The following RGS5 variants were observed in gnomAD, a reference collection of about 807,000 sequenced individuals.
RGS5 encodes regulator of G-protein signalling 5.
Under a neutral mutation model 18.9 loss-of-function variants are expected in RGS5, and 20 were observed. The ratio of observed to expected loss-of-function variants is 1.06; its 90% CI spans 0.74 to 1.54. The LOEUF (loss-of-function observed/expected upper bound fraction) is 1.54. RGS5 is among the 40% of genes most tolerant of loss of function. The probability of loss-of-function intolerance (pLI) is 0.00; values close to 1 mark genes in which losing one functional copy is unlikely to be tolerated. For synonymous variants in RGS5, 57 were observed against 76.2 expected (o/e 0.75, Z 1.31); for missense variants, 201 against 211.8 (o/e 0.95, Z 0.32).
At chr1:163,213,708 C>T (rs1057164491) in intron 1 of RGS5, among the ~76,000 whole-genome samples, 1 of 152,138 alleles carries the variant, frequency 6.6e-6, no homozygotes, top group Non-Finnish European at 1.5e-5. Context: ...GGTTTTTCCT[C>T]CTACGCTCCA....
chr1:163,276,552 A>G (rs1372401595), intron 2 of RGS5, among the ~76,000 whole-genome samples: 1 of 152,216 alleles, frequency 6.6e-6, no homozygotes, highest in African/African-American at 2.4e-5. Flanking sequence ...AGATAAGTCA[A>G]TTTTGTAGAT....
chr1:163,215,649 A>G (rs1271504784), intron 1 of RGS5, among the ~76,000 whole-genome samples: 3 of 152,218 alleles, frequency 2.0e-5, no homozygotes, highest in Non-Finnish European at 4.4e-5. Flanking sequence ...CTACACCAGA[A>G]TGAAAGCAAA....
intron 1 of RGS5, among the ~76,000 whole-genome samples, chr1:163,178,347 A>G (rs1264531085): frequency 6.6e-6 from 1 of 152,090 alleles, no homozygotes; most frequent in East Asian, 1.9e-4. Context: ...TTTAAAAATA[A>G]ATAAATAAAA....
intron 1 of RGS5, among the ~76,000 whole-genome samples, chr1:163,186,561 A>T (rs559711068): frequency 7.3e-6 from 1 of 136,428 alleles, no homozygotes; most frequent in East Asian, 2.3e-4. Flanking sequence ...CCTGGGCGAC[A>T]GAGCGAGACT....
chr1:163,150,872 G>T (rs1008879059), intron 4 of RGS5, among the ~76,000 whole-genome samples: 1 of 152,152 alleles, frequency 6.6e-6, no homozygotes, highest in African/African-American at 2.4e-5. Flanking sequence ...AACTCCAGGA[G>T]TCTAGAGCAT....
chr1:163,287,207 C>G (rs1327960203), intron 2 of RGS5, among the ~76,000 whole-genome samples: 1 of 152,158 alleles, frequency 6.6e-6, no homozygotes, highest in African/African-American at 2.4e-5. Flanking sequence ...TGTTTCCCTT[C>G]TTACCTTTAC....
chr1:163,272,103 G>T (rs1238633778), intron 2 of RGS5, among the ~76,000 whole-genome samples: 1 of 151,288 alleles, frequency 6.6e-6, no homozygotes, highest in African/African-American at 2.4e-5. Context: ...TGAGGTGTCT[G>T]TGTTTATTAT....
At chr1:163,202,939 A>G (rs1206775156), upstream of RGS5, 15 of 1,062,786 alleles carry the variant, frequency 1.4e-5, no homozygotes, top group Non-Finnish European at 2.0e-5. Context: ...CTCCTGAGGT[A>G]TATATAGAAG....
intron 1 of RGS5, among the ~76,000 whole-genome samples, chr1:163,213,945 A>G (rs1035456132): frequency 6.6e-6 from 1 of 152,158 alleles, no homozygotes; most frequent in Non-Finnish European, 1.5e-5. Flanking sequence ...TTCTGACACC[A>G]TCTCCTATTC....
At chr1:163,231,296 A>G (rs957937810) in intron 2 of RGS5, among the ~76,000 whole-genome samples, 3 of 152,228 alleles carry the variant, frequency 2.0e-5, no homozygotes, top group Non-Finnish European at 4.4e-5. Context: ...CACAAAACCC[A>G]TGAAATAACC....
At chr1:163,191,581 C>G (rs1176161838) in intron 1 of RGS5, among the ~76,000 whole-genome samples, 1 of 152,184 alleles carries the variant, frequency 6.6e-6, no homozygotes, top group Non-Finnish European at 1.5e-5. Flanking sequence ...ATGCCATAGT[C>G]TAACCCATGG....
At chr1:163,284,305 T>C (rs1442869060) in intron 2 of RGS5, among the ~76,000 whole-genome samples, 1 of 152,192 alleles carries the variant, frequency 6.6e-6, no homozygotes, top group African/African-American at 2.4e-5. Context: ...GCCTCATTCA[T>C]AAAGTCCCTA....
intron 2 of RGS5, among the ~76,000 whole-genome samples, chr1:163,236,087 A>C (rs1647614147): frequency 6.6e-6 from 1 of 152,212 alleles, no homozygotes; most frequent in Admixed American, 6.5e-5. Context: ...AAAAAGTTTC[A>C]TCTTCCAATC....
At chr1:163,317,136 A>C (rs1034814931) in intron 1 of RGS5, among the ~76,000 whole-genome samples, 1 of 152,164 alleles carries the variant, frequency 6.6e-6, no homozygotes, top group Non-Finnish European at 1.5e-5. Context: ...TTTCACAGGC[A>C]TGTTGAGCTA....
intron 4 of RGS5, among the ~76,000 whole-genome samples, chr1:163,149,426 T>G (rs913490028): frequency 2.0e-5 from 3 of 152,204 alleles, no homozygotes; most frequent in Admixed American, 2.0e-4. Flanking sequence ...ATTATAAAAG[T>G]AGCTCCTAAT....
At chr1:163,180,781 G>A (rs1161256098) in intron 1 of RGS5, among the ~76,000 whole-genome samples, 4 of 139,922 alleles carry the variant, frequency 2.9e-5, no homozygotes, top group Non-Finnish European at 4.5e-5. Context: ...TGCAAGCTGC[G>A]CCTCCCGGGT....
intron 1 of RGS5, among the ~76,000 whole-genome samples, chr1:163,178,386 T>A (rs1658657816): frequency 6.6e-6 from 1 of 151,604 alleles, no homozygotes; most frequent in South Asian, 2.1e-4. Flanking sequence ...AAAGAGAGAA[T>A]CCCTGAGAAA....
At chr1:163,239,017 C>A in intron 2 of RGS5, 1 of 217,790 alleles carries the variant, frequency 4.6e-6, no homozygotes, top group South Asian at 9.8e-5. Flanking sequence ...TGCAACTACT[C>A]ATGTATGTGA....
intron 2 of RGS5, among the ~76,000 whole-genome samples, chr1:163,297,979 T>G (rs564367253): frequency 3.3e-5 from 5 of 152,250 alleles, no homozygotes; most frequent in African/African-American, 1.2e-4. Flanking sequence ...AGACTGCTTT[T>G]GTTTGAAAAC....
Sources: allele counts gnomAD v4.1 joint callset (sites outside exome capture counted in the v4.1 genomes callset), GRCh38; gene constraint gnomAD v4.1.1; transcripts MANE v1.5; gene names NCBI Gene and HGNC (gene_info 2026-07-23, HGNC 2026-07-21).